Variants in ASH1L observed in about 807,000 individuals in gnomAD.
ASH1L encodes ASH1 like histone lysine methyltransferase, also known as histone-lysine N-methyltransferase ASH1L.
A neutral mutation model predicts 269.0 loss-of-function variants in ASH1L; 23 were observed. The ratio of observed to expected loss-of-function variants is 0.09; its 90% CI spans 0.06 to 0.12. The LOEUF is 0.12. Among genes scored for constraint, ASH1L ranks in the 10% least tolerant of loss-of-function variants. The pLI, the probability that ASH1L is intolerant of heterozygous loss-of-function variation, is 1.00. For synonymous variants in ASH1L, 1,187 were observed against 1,253.5 expected, an observed-to-expected ratio of 0.95 and a Z score of 1.12; for missense variants, 2,912 against 3,567.8, an observed-to-expected ratio of 0.82 and a Z score of 4.68.
In ASH1L at chr1:155,343,961, TC is replaced by T. The variant is rs991856307; in HGVS notation, c.7982-220del. Among the ~76,000 whole-genome samples the T allele has an allele frequency of 8.5e-5, 13 of 152,246 alleles. No individual in the cohort carries two copies. On this transcript the variant is annotated intron_variant, in intron 22 of 27. Coordinates refer to ENST00000392403, the MANE Select transcript of ASH1L (RefSeq NM_018489.3). This position sits in a 1 kb window ranked among gnomAD's most constrained non-coding sequence, Gnocchi z 6.1. ...ATTTCTTGAGCTTCCTATATGTTTT[TC>T]CCAGTCTTAAAATTAGCTTTGTAAC...
intron 3 of ASH1L, among the ~76,000 whole-genome samples, chr1:155,461,625 G>C (rs1392969829): frequency 6.6e-6 from 1 of 152,062 alleles, no homozygotes; most frequent in East Asian, 1.9e-4. Context: ...CCAGGCATCA[G>C]AGAAGACATA....
chr1:155,517,500 G>C (rs906574434), intron 2 of ASH1L, among the ~76,000 whole-genome samples: 1 of 151,942 alleles, frequency 6.6e-6, no homozygotes, highest in African/African-American at 2.4e-5. Context: ...GTGGTAGCAG[G>C]CACCTGTAAT....
At position 155,521,533 on chromosome 1, in the gene ASH1L, T is replaced by C. The variant is rs1304853809; in HGVS notation, c.-14A>G. 1 of 1,582,486 alleles carries C rather than the reference T, an allele frequency of 6.3e-7. No individual in the cohort carries two copies. The highest frequency in any genetic ancestry group is 8.6e-7 in the Non-Finnish European group (1 of 1,168,366). On this transcript the variant is annotated 5_prime_UTR_variant, in exon 2 of 28. In the 5' UTR this introduces an upstream ATG that the reference lacks. Coordinates refer to ENST00000392403, the MANE Select transcript of ASH1L (RefSeq NM_018489.3). ...TCTAGGGTCCATCACAAGCGTATGT[T>C]ATTGCCAAGGAATCTTATGAAAATT...
At chr1:155,400,175 G>A (rs1231972267) in intron 6 of ASH1L, among the ~76,000 whole-genome samples, 7 of 151,842 alleles carry the variant, frequency 4.6e-5, no homozygotes, top group South Asian at 2.1e-4. Context: ...GTGAAACCCC[G>A]TCTCTACTAA....
Position 155,438,321 on chromosome 1 carries a change from A to G in ASH1L, c.5828+6T>C. The G allele has an allele frequency of 6.5e-7, 1 of 1,538,314 alleles. No individual in the cohort carries two copies. Among genetic ancestry groups the G allele is most frequent in the Non-Finnish European group, 8.7e-7 (1 of 1,147,832 alleles). On this transcript the variant is annotated splice_donor_region_variant and intron_variant, in intron 5 of 27. Transcript: ENST00000392403. ...TACTCAGATAATATGTTAAATGAGG[A>G]ATTACCTTTTATTATTCTCTTGCTC...
intron 12 of ASH1L, among the ~76,000 whole-genome samples, chr1:155,363,994 C>T (rs1203553096): frequency 6.7e-6 from 1 of 150,306 alleles, no homozygotes; most frequent in Non-Finnish European, 1.5e-5. Context: ...AACAAAAAAC[C>T]AAAAAAAGGT....
intron 1 of ASH1L, among the ~76,000 whole-genome samples, chr1:155,527,103 G>A (rs531360259): frequency 7.6e-4 from 115 of 152,232 alleles, no homozygotes; most frequent in Non-Finnish European, 2.9e-5. Context: ...AGCTACTCAG[G>A]AGGCTGAGGC....
chr1:155,351,893 A>C (rs536301092), intron 17 of ASH1L, among the ~76,000 whole-genome samples: 1 of 152,056 alleles, frequency 6.6e-6, no homozygotes, highest in Admixed American at 6.6e-5. Flanking sequence ...AAATAAATTA[A>C]TTACTATTAC....
chr1:155,479,670 G>A lies in ASH1L; in HGVS notation c.3200C>T (p.Pro1067Leu). Reference protein sequence around the residue: ...TVLNGILSGSPTSLAVLEQTA... With the variant: ...TVLNGILSGSLTSLAVLEQTA... ...TTGCTCAAGAACAGCAAGGCTAGTA[G>A]GACTACCAGAAAGAATACCATTTAA... The change falls in exon 3 of 28, where the codon CCT becomes CTT. Residue 1067 changes from proline (P) to leucine (L), a missense_variant. By Grantham distance (98) the Pro-to-Leu change is moderately conservative. Around this residue, in one of 13 missense-constraint regions of ASH1L, gnomAD observed 157 missense variants for 154.6 expected, o/e 1.02. Coordinates refer to ENST00000392403, the MANE Select transcript of ASH1L (RefSeq NM_018489.3). 1 of 1,614,146 alleles carries A rather than the reference G, an allele frequency of 6.2e-7. No individual in the cohort carries two copies. Among genetic ancestry groups the A allele is most frequent in the South Asian group, 1.1e-5 (1 of 91,084 alleles).
Position 155,562,176 on chromosome 1 carries a change from C to G in ASH1L, c.-123G>C, listed in dbSNP as rs764626533. On this transcript the variant is annotated 5_prime_UTR_variant, in exon 1 of 28. Transcript: ENST00000392403. ...ACCGTGTCGGAGGCCGAGGCCGAGGCCGAGAGCGATGAGAGTGCAGGGAAG... is the reference window on the plus strand; with the variant it reads ...ACCGTGTCGGAGGCCGAGGCCGAGGGCGAGAGCGATGAGAGTGCAGGGAAG... The G allele has an allele frequency of 6.3e-7, 1 of 1,599,642 alleles. No individual in the cohort carries two copies. Among genetic ancestry groups the G allele is most frequent in the East Asian group, 2.2e-5 (1 of 44,658 alleles).
At chr1:155,523,700 G>A (rs761142875) in intron 1 of ASH1L, among the ~76,000 whole-genome samples, 13 of 152,146 alleles carry the variant, frequency 8.5e-5, no homozygotes, top group South Asian at 2.1e-4. Context: ...GTCGAAACCC[G>A]TCTCTACTAA....
At chr1:155,385,013 T>C (rs1174924072) in intron 7 of ASH1L, among the ~76,000 whole-genome samples, 1 of 152,214 alleles carries the variant, frequency 6.6e-6, no homozygotes, top group African/African-American at 2.4e-5. Context: ...TTCTAGTGCA[T>C]AGATTATTTC....
Position 155,521,530 on chromosome 1 carries a change from T to C in ASH1L, c.-11A>G, listed in dbSNP as rs780367689. ...ATTTCTAGGGTCCATCACAAGCGTA[T>C]GTTATTGCCAAGGAATCTTATGAAA... On this transcript the variant is annotated 5_prime_UTR_variant, in exon 2 of 28. Coordinates refer to ENST00000392403, the MANE Select transcript of ASH1L (RefSeq NM_018489.3). 7 of 1,583,616 alleles carry C rather than the reference T, an allele frequency of 4.4e-6. No individual in the cohort carries two copies. The highest frequency in any genetic ancestry group is 1.4e-5 in the African/African-American group (1 of 73,300).
At chr1:155,467,888 T>C (rs1664804882) in intron 3 of ASH1L, among the ~76,000 whole-genome samples, 1 of 152,166 alleles carries the variant, frequency 6.6e-6, no homozygotes, top group Non-Finnish European at 1.5e-5. Flanking sequence ...CAGATTTACA[T>C]AAAAGTTACA....
chr1:155,338,029 TCCA>T lies in ASH1L; in HGVS notation c.8803+57_8803+59del. 7 of 1,521,572 alleles carry T rather than the reference TCCA, an allele frequency of 4.6e-6. No individual in the cohort carries two copies. The Admixed American group carries it at 8.1e-5, about 18-fold the overall frequency. 94.3% of individuals were successfully genotyped at this position (1,521,572 alleles called of 1,614,324 possible). A position where few individuals can be genotyped will look rare whatever the true frequency, so the allele number is the denominator to read the frequency against. ...GCTGAACCAGTAATTACAATTTTTT[TCCA>T]TTCCCTCTCATTTCGCATTTATCTT... On this transcript the variant is annotated intron_variant, in intron 27 of 27. Coordinates refer to ENST00000392403, the MANE Select transcript of ASH1L (RefSeq NM_018489.3).
chr1:155,431,085 C>T (rs1661559604), intron 5 of ASH1L, among the ~76,000 whole-genome samples: 1 of 151,942 alleles, frequency 6.6e-6, no homozygotes, highest in Non-Finnish European at 1.5e-5. Context: ...GGTGGCAGGA[C>T]CTGTAATCCC....
chr1:155,466,163 G>A (rs1325828971), intron 3 of ASH1L, among the ~76,000 whole-genome samples: 2 of 152,040 alleles, frequency 1.3e-5, no homozygotes, highest in Non-Finnish European at 2.9e-5. Context: ...GACCATCTTG[G>A]CTAACACGGT....
At chr1:155,374,010 C>T (rs1656210412) in intron 10 of ASH1L, among the ~76,000 whole-genome samples, 1 of 152,086 alleles carries the variant, frequency 6.6e-6, no homozygotes, top group African/African-American at 2.4e-5. Flanking sequence ...AAATAATCGT[C>T]AAAATATCAT....
chr1:155,502,649 T>C (rs990583689), intron 2 of ASH1L, among the ~76,000 whole-genome samples: 2 of 152,174 alleles, frequency 1.3e-5, no homozygotes, highest in Non-Finnish European at 2.9e-5. Flanking sequence ...CAGAAATATA[T>C]GCAATGGAAA....
Sources: gnomAD v4.1 joint callset for allele counts (sites outside exome capture counted in the v4.1 genomes callset) on GRCh38, gnomAD v4.1.1 for gene constraint, gnomAD v4.1.1 regional missense constraint, Gnocchi (gnomAD v3.1) non-coding constraint, MANE v1.5 for transcripts, NCBI Gene and HGNC (gene_info 2026-07-23, HGNC 2026-07-21) for gene names.